Variants in PTPRS observed in about 807,000 individuals in gnomAD.
The protein encoded by PTPRS is protein tyrosine phosphatase receptor type S.
PTPRS carries 63 observed loss-of-function variants against 215.3 expected under a neutral mutation model. That is an observed-to-expected ratio of 0.29 (90% CI 0.24 to 0.36). PTPRS has a LOEUF of 0.36. Ranked by LOEUF, PTPRS falls within the 10% of genes least tolerant of loss-of-function variation. The pLI is 1.00. For synonymous variants in PTPRS, 1,404 were observed against 1,191.4 expected (o/e 1.18, Z -3.68); for missense variants, 2,258 against 2,825.8 (o/e 0.80, Z 4.56).
chr19:5,318,472 C>T (rs2049938908), intron 1 of PTPRS, among the ~76,000 whole-genome samples: 2 of 152,150 alleles, frequency 1.3e-5, no homozygotes, highest in Admixed American at 1.3e-4. Context: ...TGCTGTGTGA[C>T]CCTGGGCAGG....
chr19:5,319,695 C>T (rs912707450), intron 1 of PTPRS, among the ~76,000 whole-genome samples: 7 of 152,010 alleles, frequency 4.6e-5, no homozygotes, highest in Non-Finnish European at 8.8e-5. Flanking sequence ...CGCTGTTCCT[C>T]CAACACGCCA....
In PTPRS at chr19:5,276,785, G is replaced by A. The variant is rs986732824; in HGVS notation, c.92-2441C>T. ...TCTCGATCTCCTGACCTCGTGATCC[G>A]CCCGCCTCAGTCTCCCAAAGTGCTG... On this transcript the variant is annotated intron_variant, in intron 2 of 37. Coordinates refer to ENST00000262963, the MANE Select transcript of PTPRS (RefSeq NM_002850.4). 3.3e-5 allele frequency among the ~76,000 whole-genome samples: 5 copies of A among 151,422 alleles called. No individual in the cohort carries two copies. The South Asian group carries it at 6.3e-4, about 19-fold the overall frequency.
At chr19:5,208,699 C>T (rs1180075082) in intron 35 of PTPRS, among the ~76,000 whole-genome samples, 2 of 152,178 alleles carry the variant, frequency 1.3e-5, no homozygotes, top group Admixed American at 6.5e-5. Context: ...GACAACTTAC[C>T]GTCCTTCACA....
chr19:5,316,217 G>T (rs979749028), intron 1 of PTPRS, among the ~76,000 whole-genome samples: 7 of 151,564 alleles, frequency 4.6e-5, no homozygotes, highest in African/African-American at 1.7e-4. Flanking sequence ...GTGAGAAAGG[G>T]CTTTTTAATA....
chr19:5,286,228 G>C lies in PTPRS; in HGVS notation c.-88C>G, dbSNP rs550184411. The C allele has an allele frequency of 1.4e-6, 2 of 1,415,988 alleles. No homozygotes were observed. The allele number at this position is 1,415,988 out of a possible 1,614,324, so 87.7% of individuals were successfully genotyped here. Reference sequence around the variant, plus strand: ...GGCCTCGAGCCGAGCGTCAGATGGGGCAACGTCTGCAGAGACAATGGAGGG... The same window carrying C: ...GGCCTCGAGCCGAGCGTCAGATGGGCCAACGTCTGCAGAGACAATGGAGGG... On this transcript the variant is annotated 5_prime_UTR_variant, in exon 2 of 38. Coordinates refer to ENST00000262963, the MANE Select transcript of PTPRS (RefSeq NM_002850.4).
Position 5,286,087 on chromosome 19 carries a change from G to C in PTPRS, c.54C>G (p.Leu18=). Residue 18 remains leucine (L), a synonymous_variant, in exon 2 of 38, where the codon CTC becomes CTG. Coordinates refer to ENST00000262963, the MANE Select transcript of PTPRS (RefSeq NM_002850.4). ...GMVSVVGPMG[L]LVVLLVGGCA... ...AGCCTCCAACGAGCAGGACCACAAG[G>C]AGGCCCATGGGACCAACCACAGACA... 8 of 1,614,124 alleles carry C rather than the reference G, an allele frequency of 5.0e-6. No individual in the cohort carries two copies. Among genetic ancestry groups the C allele is most frequent in the South Asian group, 1.1e-5 (1 of 91,076 alleles).
intron 28 of PTPRS, 43 bp from the exon 29 acceptor site, chr19:5,214,779 T>G: frequency 6.4e-7 from 1 of 1,561,432 alleles, no homozygotes; most frequent in Non-Finnish European, 8.7e-7. Flanking sequence ...GGGGCTGTCT[T>G]GCTAGTTTGG....
At chr19:5,298,516 C>T (rs2049209075) in intron 1 of PTPRS, among the ~76,000 whole-genome samples, 1 of 152,240 alleles carries the variant, frequency 6.6e-6, no homozygotes, top group Non-Finnish European at 1.5e-5. Context: ...GGTTGGGCAG[C>T]TTCCTCTCAG....
At chr19:5,255,557 C>G (rs968314130) in intron 9 of PTPRS, among the ~76,000 whole-genome samples, 1 of 148,266 alleles carries the variant, frequency 6.7e-6, no homozygotes, top group African/African-American at 2.5e-5. Flanking sequence ...TTTTTTCCCC[C>G]CAAAACGAAA....
intron 24 of PTPRS, 115 bp from the exon 25 acceptor site, chr19:5,218,647 G>A (rs2041702309): frequency 6.6e-7 from 1 of 1,512,386 alleles, no homozygotes; most frequent in Non-Finnish European, 9.2e-7. Flanking sequence ...CGTATGACTA[G>A]GGTTTCCAGG....
chr19:5,320,324 G>A (rs2049992375), intron 1 of PTPRS, among the ~76,000 whole-genome samples: 1 of 152,254 alleles, frequency 6.6e-6, no homozygotes, highest in Admixed American at 6.5e-5. Context: ...CACGGACCTT[G>A]AAGCCAAACA....
chr19:5,269,415 A>G (rs143318589), intron 4 of PTPRS, among the ~76,000 whole-genome samples: 6 of 152,036 alleles, frequency 3.9e-5, no homozygotes, highest in African/African-American at 1.2e-4. Flanking sequence ...GGGGTCCACA[A>G]TCAGATGGCA....
Position 5,214,690 on chromosome 19 carries a change from G to A in PTPRS, c.4365C>T (p.Tyr1455=), listed in dbSNP as rs1200635523. 4 of 1,612,270 alleles carry A rather than the reference G, an allele frequency of 2.5e-6. No individual in the cohort carries two copies. Among genetic ancestry groups the A allele is most frequent in the African/African-American group, 2.7e-5 (2 of 74,948 alleles). The change falls in exon 29 of 38, where the codon TAC becomes TAT. Residue 1455 remains tyrosine, a synonymous_variant. Transcript: ENST00000262963. ...DYINANYVDG[Y]RCQNAYIATQ... ...TGGCAATGTACGCGTTCTGACACCG[G>A]TAGCCGTCCACGTAGTTGGCATTGA...
In PTPRS at chr19:5,265,024, G is replaced by C. The variant is rs890484474; in HGVS notation, c.552C>G (p.Ile184Met). The C allele has an allele frequency of 3.7e-6, 6 of 1,613,970 alleles. No homozygotes were observed. The highest frequency in any genetic ancestry group is 5.1e-6 in the Non-Finnish European group (6 of 1,179,994). The change falls in exon 5 of 38, where the codon ATC becomes ATG. Residue 184 changes from isoleucine to methionine, a missense_variant. By Grantham distance (10) the Ile-to-Met change is conservative. Transcript: ENST00000262963. Reference protein sequence around the residue: ...PVDPSASNGRIKQLRSETFES... With the variant: ...PVDPSASNGRMKQLRSETFES... ...CTCACTCACCTGATCGCAGCTGTTT[G>C]ATGCGTCCATTGCTGGCACTAGGAT...
rs2047174418 is a variant in PTPRS, at chr19:5,274,334, C to A, written c.102G>T (p.Arg34Ser). 6.2e-7 allele frequency: 1 copy of A among 1,611,892 alleles called. No homozygotes were observed. The highest frequency in any genetic ancestry group is 1.3e-5 in the African/African-American group (1 of 74,862). Residue 34 changes from arginine to serine, a missense_variant, in exon 3 of 38, where the codon AGG (arginine) becomes AGT (serine). Physicochemically the swap from Arg to Ser is moderately radical, Grantham distance 110. Coordinates refer to ENST00000262963, the MANE Select transcript of PTPRS (RefSeq NM_002850.4). ...VGGCAAEEPP[R>S]FIKEPKDQIG... The stretch of plus-strand genomic sequence containing the variant: ...TCTGGTCCTTGGGTTCTTTGATAAA[C>A]CTGGGGGGCTCTGGGGATACAGTGG...
At chr19:5,273,923 T>C (rs1327909656) in intron 3 of PTPRS, among the ~76,000 whole-genome samples, 1 of 151,852 alleles carries the variant, frequency 6.6e-6, no homozygotes, top group African/African-American at 2.4e-5. Context: ...GTATTGAGAG[T>C]TGTAAAGTTC....
At chr19:5,266,092 C>T (rs1243057654) in intron 4 of PTPRS, among the ~76,000 whole-genome samples, 2 of 151,788 alleles carry the variant, frequency 1.3e-5, no homozygotes, top group Non-Finnish European at 2.9e-5. Context: ...GAAACACTGT[C>T]TCCATTAAAA....
rs567335100 is a variant in PTPRS at position 5,264,883 on chromosome 19, C to T, written c.568+125G>A. 6.0e-5 allele frequency: 69 copies of T among 1,156,008 alleles called. No individual in the cohort carries two copies. The African/African-American group carries it at 1.0e-3, about 18-fold the overall frequency. 71.6% of individuals were successfully genotyped at this position (1,156,008 alleles called of 1,614,324 possible). The stretch of plus-strand genomic sequence containing the variant: ...TGCCCCCACTCCCCCAGAGCCAACG[C>T]CTGCCACGGCCACACACTGTCTCTG... On this transcript the variant is annotated intron_variant, in intron 5 of 37. Transcript: ENST00000262963.
chr19:5,313,632 T>G (rs1472983874), intron 1 of PTPRS, among the ~76,000 whole-genome samples: 1 of 152,046 alleles, frequency 6.6e-6, no homozygotes, highest in Non-Finnish European at 1.5e-5. Flanking sequence ...GTCACGACCA[T>G]CAAGGGCAGG....
Sources: allele counts gnomAD v4.1 joint callset (sites outside exome capture counted in the v4.1 genomes callset), GRCh38; gene constraint gnomAD v4.1.1; transcripts MANE v1.5; gene names NCBI Gene and HGNC (gene_info 2026-07-23, HGNC 2026-07-21).